Variants in WNT2 observed in about 807,000 individuals in gnomAD.
The protein encoded by WNT2 is protein Wnt-2.
Under a neutral mutation model 36.9 loss-of-function variants are expected in WNT2, and 12 were observed. That is an observed-to-expected ratio of 0.33 (90% CI 0.21 to 0.53). The LOEUF is 0.53. WNT2 is among the 20% of genes least tolerant of loss of function. The pLI is 0.95. For missense variants in WNT2, 379 were observed against 473.1 expected (o/e 0.80, Z 1.84); for synonymous variants, 163 against 174.6 (o/e 0.93, Z 0.52).
chr7:117,297,424 C>T (rs117476696), intron 4 of WNT2, among the ~76,000 whole-genome samples, 188 bp downstream of exon 4: 2,888 of 152,162 alleles, frequency 0.019, 32 homozygotes, highest in Non-Finnish European at 0.028. Flanking sequence ...CCCATTTCGG[C>T]CTCCCAAAGT....
Position 117,275,630 on chromosome 7 carries a change from G to C in WNT2, c.*2525C>G, listed in dbSNP as rs3735646. Among the ~76,000 whole-genome samples, 76,709 of 152,076 alleles carry C rather than the reference G, an allele frequency of 0.5. 19,767 individuals carry two copies. The highest frequency in any genetic ancestry group is 0.59 in the Middle Eastern group (172 of 294). The stretch of plus-strand genomic sequence containing the variant: ...TTCCCCTTAAAAGCCTCAGATAATT[G>C]AGAGTTTCAGTGTATTTCAGGTTCC... On this transcript the variant is annotated 3_prime_UTR_variant, in exon 5 of 5. Transcript: ENST00000265441.
intron 4 of WNT2, among the ~76,000 whole-genome samples, chr7:117,291,929 C>T (rs543131661): frequency 1.3e-5 from 2 of 152,142 alleles, no homozygotes; most frequent in African/African-American, 2.4e-5. Flanking sequence ...AGGCATGCAC[C>T]ACCACGCCTG....
intron 2 of WNT2, among the ~76,000 whole-genome samples, chr7:117,320,251 G>T (rs752747849): frequency 6.6e-6 from 1 of 152,214 alleles, no homozygotes; most frequent in Admixed American, 6.5e-5. Flanking sequence ...GAGACTTGTG[G>T]CTCCTCCCTC....
At chr7:117,315,694 G>C (rs937396502) in intron 2 of WNT2, among the ~76,000 whole-genome samples, 1 of 152,210 alleles carries the variant, frequency 6.6e-6, no homozygotes, top group Non-Finnish European at 1.5e-5. Context: ...CTAGAAGAGA[G>C]GAGCATAGCA....
chr7:117,308,741 A>C (rs1372729684), intron 3 of WNT2, among the ~76,000 whole-genome samples: 1 of 152,214 alleles, frequency 6.6e-6, no homozygotes, highest in African/African-American at 2.4e-5. Context: ...GTGGCTCTGC[A>C]GTTCAGTATG....
At chr7:117,294,558 C>G (rs1014284529) in intron 4 of WNT2, among the ~76,000 whole-genome samples, 1 of 143,932 alleles carries the variant, frequency 6.9e-6, no homozygotes, top group Admixed American at 7.1e-5. Context: ...AGGAATCTTA[C>G]TGGAAATCTG....
chr7:117,308,255 C>A (rs977757895), intron 3 of WNT2, among the ~76,000 whole-genome samples: 3 of 152,166 alleles, frequency 2.0e-5, no homozygotes, highest in African/African-American at 7.2e-5. Flanking sequence ...ATTGTGATTT[C>A]TTGAGCACTG....
rs757916694 is a variant in WNT2 at position 117,278,143 on chromosome 7, C to T, written c.*12G>A. 11 of 1,613,646 alleles carry T rather than the reference C, an allele frequency of 6.8e-6. No individual in the cohort carries two copies. Among genetic ancestry groups the T allele is most frequent in the African/African-American group, 2.7e-5 (2 of 74,916 alleles). On this transcript the variant is annotated 3_prime_UTR_variant, in exon 5 of 5. Transcript: ENST00000265441. ...TTGTAGAAGGGAAGGTGGATGGTGA[C>T]GCCTGCTGGGGTCATGTAGCGGTTG... is the stretch of plus-strand genomic sequence containing the variant.
At chr7:117,301,076 CTTGTAGCAGAAAGTATTTCAACA>C (rs1455269972) in intron 3 of WNT2, 1 of 152,100 alleles carries the variant, frequency 6.6e-6, no homozygotes, top group Admixed American at 6.5e-5. Context: ...GGATCTGTTA[CTTGTAGCAGAAAGTATTTCAACA>C]GGTACCATGG....
chr7:117,321,690 ATATT>A (rs985427030), intron 1 of WNT2, among the ~76,000 whole-genome samples: 17 of 152,138 alleles, frequency 1.1e-4, no homozygotes, highest in African/African-American at 4.1e-4. Context: ...TCCAAAAAAT[ATATT>A]TAAGTGACAG....
At chr7:117,278,450 G>GGCATATT in intron 4 of WNT2, 66 bp from the exon 5 acceptor site, 1 of 1,458,064 alleles carries the variant, frequency 6.9e-7, no homozygotes, top group Admixed American at 2.0e-5. Context: ...CTCCAGAGGA[G>GGCATATT]GAGTCACGAG....
chr7:117,278,586 G>A (rs1164611361), intron 4 of WNT2, among the ~76,000 whole-genome samples: 1 of 152,244 alleles, frequency 6.6e-6, no homozygotes, highest in African/African-American at 2.4e-5. Flanking sequence ...CAGTGGTGCT[G>A]AGAGGGCCGA....
At chr7:117,281,452 G>A (rs554675414) in intron 4 of WNT2, among the ~76,000 whole-genome samples, 1 of 152,146 alleles carries the variant, frequency 6.6e-6, no homozygotes, top group African/African-American at 2.4e-5. Flanking sequence ...TGCCCAGGCT[G>A]GTCTCAAACT....
intron 4 of WNT2, among the ~76,000 whole-genome samples, chr7:117,291,845 T>TTG (rs1794694744): frequency 3.3e-5 from 5 of 151,872 alleles, no homozygotes; most frequent in African/African-American, 1.2e-4. Context: ...TGGTGTGATC[T>TTG]CGGCTCACCA....
At chr7:117,306,389 T>G (rs114227146) in intron 3 of WNT2, among the ~76,000 whole-genome samples, 2,408 of 152,346 alleles carry the variant, frequency 0.016, 63 homozygotes, top group African/African-American at 0.054. Flanking sequence ...TGATACTATG[T>G]GCAAGCACTG....
chr7:117,289,051 CTTTTTTTTTTTTT>C (rs1187027317), intron 4 of WNT2, among the ~76,000 whole-genome samples: 3 of 89,440 alleles, frequency 3.4e-5, no homozygotes, highest in African/African-American at 1.4e-4. Context: ...TCACGTTAGA[CTTTTTTTTTTTTT>C]TTTTTTTTTT....
chr7:117,320,471 A>G, intron 2 of WNT2, 96 bp downstream of exon 2: 1 of 1,239,538 alleles, frequency 8.1e-7, no homozygotes. Flanking sequence ...TGATGGAATA[A>G]AATGCAATAG....
At chr7:117,303,885 C>T (rs1331456419) in intron 3 of WNT2, among the ~76,000 whole-genome samples, 1 of 152,176 alleles carries the variant, frequency 6.6e-6, no homozygotes, top group African/African-American at 2.4e-5. Context: ...TTCCACCTCA[C>T]AATTGTTCCA....
At chr7:117,293,930 C>T (rs1252199055) in intron 4 of WNT2, among the ~76,000 whole-genome samples, 2 of 152,148 alleles carry the variant, frequency 1.3e-5, no homozygotes, top group Non-Finnish European at 2.9e-5. Flanking sequence ...CTCTGTTACA[C>T]CCCCTGCCTC....
Sources: gnomAD v4.1 joint callset for allele counts (sites outside exome capture counted in the v4.1 genomes callset) on GRCh38, gnomAD v4.1.1 for gene constraint, MANE v1.5 for transcripts, NCBI Gene and HGNC (gene_info 2026-07-23, HGNC 2026-07-21) for gene names.